PTPRD: variants seen among roughly 807,000 people sequenced by gnomAD.
The protein encoded by PTPRD is receptor-type tyrosine-protein phosphatase delta.
Under a neutral mutation model 214.5 loss-of-function variants are expected in PTPRD, and 34 were observed. The observed-to-expected ratio is 0.16, with a 90% CI of 0.12 to 0.21. PTPRD has a LOEUF of 0.21. Among genes scored for constraint, PTPRD ranks in the 10% least tolerant of loss-of-function variants. The pLI is 1.00. For synonymous variants in PTPRD, 1,128 were observed against 845.7 expected, an observed-to-expected ratio of 1.33 and a Z score of -5.79; for missense variants, 2,545 against 2,398.7, an observed-to-expected ratio of 1.06 and a Z score of -1.27.
rs12340202 is a variant in PTPRD at position 8,316,465 on chromosome 9, A to G, written c.*1409T>C. 25,581 of 230,566 alleles carry G rather than the reference A, an allele frequency of 0.11. 2,857 individuals are homozygous for G. The highest frequency in any genetic ancestry group is 0.33 in the African/African-American group (15,057 of 45,136). 14.3% of individuals were successfully genotyped at this position (230,566 alleles called of 1,614,324 possible). On this transcript the variant is annotated 3_prime_UTR_variant, in exon 46 of 46. Coordinates refer to ENST00000381196, the MANE Select transcript of PTPRD (RefSeq NM_002839.4). The stretch of plus-strand genomic sequence containing the variant: ...ATGAATTTGGCTTTGCCCCTGTTAC[A>G]TATCATAAATGCAAATTTCATAGCA...
intron 11 of PTPRD, among the ~76,000 whole-genome samples, chr9:8,940,858 T>TGAA (rs200583946): frequency 1.3e-5 from 2 of 151,668 alleles, no homozygotes; most frequent in East Asian, 3.9e-4. Context: ...ATGATGATGA[T>TGAA]GTTCACAAGG....
intron 4 of PTPRD, among the ~76,000 whole-genome samples, chr9:10,013,871 G>GT (rs1173564696): frequency 6.6e-6 from 1 of 151,770 alleles, no homozygotes; most frequent in East Asian, 1.9e-4. Flanking sequence ...CATCTCATAG[G>GT]TTTTTTTGTT....
At chr9:9,876,770 T>C (rs965826957) in intron 5 of PTPRD, among the ~76,000 whole-genome samples, 1 of 152,172 alleles carries the variant, frequency 6.6e-6, no homozygotes, top group African/African-American at 2.4e-5. Flanking sequence ...GTTATGTTAT[T>C]GTGGTGACAC....
intron 11 of PTPRD, among the ~76,000 whole-genome samples, chr9:8,758,311 T>C (rs1326977342): frequency 6.6e-6 from 1 of 152,124 alleles, no homozygotes; most frequent in African/African-American, 2.4e-5. Flanking sequence ...TCTAGATGCA[T>C]AGGAAAGAAG....
intron 9 of PTPRD, among the ~76,000 whole-genome samples, chr9:9,352,318 T>TACAC (rs200662659): frequency 1.0e-5 from 1 of 95,802 alleles, no homozygotes; most frequent in African/African-American, 4.1e-5. Context: ...ACCATATATA[T>TACAC]ATATATATAT....
chr9:10,454,116 T>G (rs532146376), intron 2 of PTPRD, among the ~76,000 whole-genome samples: 1 of 150,958 alleles, frequency 6.6e-6, no homozygotes, highest in African/African-American at 2.4e-5. Context: ...ATGAAAAAAA[T>G]AGCAAACTAT....
chr9:10,174,691 A>G (rs141511922), intron 3 of PTPRD, among the ~76,000 whole-genome samples: 1 of 152,088 alleles, frequency 6.6e-6, no homozygotes, highest in South Asian at 2.1e-4. Context: ...TCAACTAATC[A>G]TAAGTGCATA....
chr9:9,521,294 C>G (rs2096965926), intron 8 of PTPRD, among the ~76,000 whole-genome samples: 1 of 152,090 alleles, frequency 6.6e-6, no homozygotes, highest in African/African-American at 2.4e-5. Context: ...GTCTGCATTC[C>G]AGGATGTTTC....
chr9:9,516,383 G>T (rs1365303710), intron 8 of PTPRD, among the ~76,000 whole-genome samples: 1 of 151,972 alleles, frequency 6.6e-6, no homozygotes, highest in African/African-American at 2.4e-5. Context: ...TCTACGTTGT[G>T]TGAACTTGAT....
intron 11 of PTPRD, among the ~76,000 whole-genome samples, chr9:8,834,050 G>A (rs1331222801): frequency 6.6e-6 from 1 of 151,896 alleles, no homozygotes; most frequent in Non-Finnish European, 1.5e-5. Context: ...GCACAATAAT[G>A]CCTAGTCTTT....
chr9:10,232,649 G>C (rs879701551), intron 3 of PTPRD, among the ~76,000 whole-genome samples: 2 of 151,930 alleles, frequency 1.3e-5, no homozygotes, highest in African/African-American at 4.8e-5. Context: ...GAAAAGAAGA[G>C]GGGTAAATTC....
chr9:8,829,128 G>A (rs2099407), intron 11 of PTPRD, among the ~76,000 whole-genome samples: 107,092 of 152,028 alleles, frequency 0.7, 38,160 homozygotes, highest in African/African-American at 0.81. Flanking sequence ...TTGAAGTATA[G>A]CTTATATAAG....
chr9:9,464,866 C>T (rs1411698220), intron 8 of PTPRD, among the ~76,000 whole-genome samples: 4 of 152,126 alleles, frequency 2.6e-5, no homozygotes, highest in Non-Finnish European at 4.4e-5. Flanking sequence ...TCCTCAATTC[C>T]CTAGGCTTAA....
chr9:8,345,357 G>A lies in PTPRD; in HGVS notation c.4662-3379C>T, dbSNP rs761657373. On this transcript the variant is annotated intron_variant, in intron 39 of 45. Transcript: ENST00000381196. ...GCAGGTTCTGAGGTGTTAAAATTTA[G>A]CACCCTGTTCCCAGCACCCCCAGTG... Among the ~76,000 whole-genome samples, 4 of 152,088 alleles carry A rather than the reference G, an allele frequency of 2.6e-5. No homozygotes were observed. In the East Asian group the frequency reaches 7.7e-4, roughly 29 times the overall value.
At chr9:10,015,692 G>T (rs1046945330) in intron 4 of PTPRD, among the ~76,000 whole-genome samples, 1 of 152,128 alleles carries the variant, frequency 6.6e-6, no homozygotes, top group Non-Finnish European at 1.5e-5. Flanking sequence ...GAAAAAGAAC[G>T]AGAAGGAAGA....
chr9:9,907,516 A>T (rs942461864), intron 5 of PTPRD, among the ~76,000 whole-genome samples: 1 of 151,974 alleles, frequency 6.6e-6, no homozygotes, highest in Non-Finnish European at 1.5e-5. Context: ...CAATGTACAC[A>T]TATCACTGAT....
chr9:10,139,828 GC>G (rs1307098549), intron 3 of PTPRD, among the ~76,000 whole-genome samples: 3 of 151,072 alleles, frequency 2.0e-5, no homozygotes, highest in Non-Finnish European at 4.4e-5. Context: ...AGGATAACTG[GC>G]TAGCCATATG....
chr9:9,118,846 A>G (rs1472108444), intron 10 of PTPRD, among the ~76,000 whole-genome samples: 2 of 152,154 alleles, frequency 1.3e-5, no homozygotes, highest in Non-Finnish European at 2.9e-5. Flanking sequence ...AGAGCATTTT[A>G]TTTTTTAACA....
intron 9 of PTPRD, among the ~76,000 whole-genome samples, chr9:9,258,814 G>A (rs1389811654): frequency 6.6e-6 from 1 of 151,878 alleles, no homozygotes; most frequent in Non-Finnish European, 1.5e-5. Context: ...GGAGAGGTAA[G>A]CATATTTGAA....
Sources: gnomAD v4.1 joint callset for allele counts (sites outside exome capture counted in the v4.1 genomes callset) on GRCh38, gnomAD v4.1.1 for gene constraint, MANE v1.5 for transcripts, NCBI Gene and HGNC (gene_info 2026-07-23, HGNC 2026-07-21) for gene names.